The following FAM135B variants were observed in gnomAD, a reference collection of about 807,000 sequenced individuals.
FAM135B encodes the protein family with sequence similarity 135 member B, also known as protein FAM135B.
FAM135B carries 43 observed loss-of-function variants against 127.7 expected under a neutral mutation model. The observed-to-expected ratio is 0.34, with a 90% CI of 0.26 to 0.43. The LOEUF is 0.43. FAM135B is among the 20% of genes least tolerant of loss of function. FAM135B has a pLI of 1.00. For synonymous variants in FAM135B, 670 were observed against 665.1 expected (o/e 1.01, Z -0.11); for missense variants, 1,558 against 1,725.6 (o/e 0.90, Z 1.72).
intron 1 of FAM135B, among the ~76,000 whole-genome samples, chr8:138,448,998 T>C (rs867777084): frequency 6.6e-5 from 10 of 152,168 alleles, no homozygotes; most frequent in Admixed American, 3.3e-4. Context: ...TTCAATCTCT[T>C]CCATTGTATT....
At chr8:138,447,996 A>G (rs1237576052) in intron 1 of FAM135B, among the ~76,000 whole-genome samples, 1 of 151,926 alleles carries the variant, frequency 6.6e-6, no homozygotes, top group Non-Finnish European at 1.5e-5. Context: ...ATTGTTTACT[A>G]GATCCTATGA....
chr8:138,130,829 A>T lies in FAM135B; in HGVS notation c.*1764T>A, dbSNP rs10103808. 18,406 of 152,278 alleles carry T rather than the reference A, an allele frequency of 0.12. 1,250 individuals carry two copies. The highest frequency in any genetic ancestry group is 0.23 in the East Asian group (1,183 of 5,168). The allele number at this position is 152,278 out of a possible 1,614,324, so 9.4% of individuals were successfully genotyped here. On this transcript the variant is annotated 3_prime_UTR_variant, in exon 20 of 20. Coordinates refer to ENST00000395297, the MANE Select transcript of FAM135B (RefSeq NM_015912.4). ...GCCCAGCTCTGACTCGGGAGCTCAG[A>T]TAAAAATCCCCAGTGGAAAGTGACC...
At chr8:138,239,698 A>C (rs995037038) in intron 7 of FAM135B, among the ~76,000 whole-genome samples, 4 of 152,214 alleles carry the variant, frequency 2.6e-5, no homozygotes, top group Non-Finnish European at 5.9e-5. Flanking sequence ...ACACATGCAC[A>C]TGTATGTTCA....
chr8:138,163,650 C>G (rs1409294078), intron 12 of FAM135B, among the ~76,000 whole-genome samples: 1 of 152,130 alleles, frequency 6.6e-6, no homozygotes, highest in Non-Finnish European at 1.5e-5. Context: ...TTTCACCTTC[C>G]ACCGTGTGAT....
At chr8:138,218,100 C>G (rs1355161684) in intron 7 of FAM135B, among the ~76,000 whole-genome samples, 1 of 152,090 alleles carries the variant, frequency 6.6e-6, no homozygotes, top group African/African-American at 2.4e-5. Flanking sequence ...AACATGATAA[C>G]TAAGATGACT....
chr8:138,376,978 AT>A (rs1305489834), intron 1 of FAM135B, among the ~76,000 whole-genome samples: 1 of 152,218 alleles, frequency 6.6e-6, no homozygotes, highest in Non-Finnish European at 1.5e-5. Flanking sequence ...AGTTATTTAC[AT>A]TTTTTAAATG....
chr8:138,243,300 G>C lies in FAM135B; in HGVS notation c.543-232C>G, dbSNP rs148536531. Among the ~76,000 whole-genome samples, 1 of 152,308 alleles carries C rather than the reference G, an allele frequency of 6.6e-6. No homozygotes were observed. The highest frequency in any genetic ancestry group is 2.4e-5 in the African/African-American group (1 of 41,562). Reference sequence around the variant, plus strand: ...TGATGATACACATCCTACAATGTGTGCATGTAAATGCCCACCCTAAATGCC... The same window carrying C: ...TGATGATACACATCCTACAATGTGTCCATGTAAATGCCCACCCTAAATGCC... On this transcript the variant is annotated intron_variant, in intron 6 of 19. Transcript: ENST00000395297. The surrounding 1 kb of genome is among the most constrained non-coding windows in gnomAD (Gnocchi z 7.5).
At chr8:138,304,966 G>A (rs1188571332) in intron 3 of FAM135B, among the ~76,000 whole-genome samples, 3 of 152,186 alleles carry the variant, frequency 2.0e-5, no homozygotes, top group African/African-American at 4.8e-5. Context: ...CCACCCTGCC[G>A]GCCCTGGGTA....
At chr8:138,232,075 C>G (rs756994808) in intron 7 of FAM135B, among the ~76,000 whole-genome samples, 1 of 152,252 alleles carries the variant, frequency 6.6e-6, no homozygotes, top group Non-Finnish European at 1.5e-5. Context: ...CTCACTCAAG[C>G]TCTCACAGTT....
intron 7 of FAM135B, among the ~76,000 whole-genome samples, chr8:138,218,709 C>T (rs1818761722): frequency 6.6e-6 from 1 of 151,708 alleles, no homozygotes; most frequent in Non-Finnish European, 1.5e-5. Context: ...CTACAGGCCA[C>T]TCTAGAGACC....
chr8:138,454,696 A>G (rs1836680542), intron 1 of FAM135B, among the ~76,000 whole-genome samples: 1 of 152,160 alleles, frequency 6.6e-6, no homozygotes. Context: ...CATCTAGAGG[A>G]GTCTCACTTT....
intron 3 of FAM135B, among the ~76,000 whole-genome samples, chr8:138,271,025 C>T (rs1823333887): frequency 6.6e-6 from 1 of 152,194 alleles, no homozygotes; most frequent in Non-Finnish European, 1.5e-5. Context: ...CAGCAAGGGA[C>T]TGATGAGATT....
At chr8:138,480,600 T>A (rs559808497) in intron 1 of FAM135B, among the ~76,000 whole-genome samples, 1 of 151,990 alleles carries the variant, frequency 6.6e-6, no homozygotes, top group African/African-American at 2.4e-5. Flanking sequence ...TAGGAAAAAA[T>A]GAGAGAGGTT....
At chr8:138,416,070 CTCTT>C (rs1834130284) in intron 1 of FAM135B, among the ~76,000 whole-genome samples, 2 of 152,192 alleles carry the variant, frequency 1.3e-5, no homozygotes, top group African/African-American at 4.8e-5. Context: ...CTGCAAGACT[CTCTT>C]TCTTCATCCT....
intron 1 of FAM135B, among the ~76,000 whole-genome samples, chr8:138,403,645 G>C (rs1262460762): frequency 1.3e-5 from 2 of 152,120 alleles, no homozygotes; most frequent in Non-Finnish European, 2.9e-5. Flanking sequence ...ATGGAGAGTG[G>C]GGCTGGACCA....
intron 1 of FAM135B, among the ~76,000 whole-genome samples, chr8:138,412,684 C>G (rs1299912799): frequency 6.6e-6 from 1 of 152,178 alleles, no homozygotes; most frequent in Non-Finnish European, 1.5e-5. Flanking sequence ...AAATCTTTGA[C>G]CAGAGGGCAA....
Position 138,435,079 on chromosome 8 carries a change from G to A in FAM135B, c.-20+61592C>T, listed in dbSNP as rs561459655. ...TCCCAGCACTTTGGGAGGCCGAGGCGGGTGGATCACGAGGTCAGGAGTTTA... is the reference window on the plus strand; with the variant it reads ...TCCCAGCACTTTGGGAGGCCGAGGCAGGTGGATCACGAGGTCAGGAGTTTA... On this transcript the variant is annotated intron_variant, in intron 1 of 19. Coordinates refer to ENST00000395297, the MANE Select transcript of FAM135B (RefSeq NM_015912.4). 4.6e-5 allele frequency among the ~76,000 whole-genome samples: 7 copies of A among 152,146 alleles called. No individual in the cohort carries two copies. The East Asian group carries it at 7.8e-4, about 17-fold the overall frequency.
chr8:138,443,409 G>T (rs555425474), intron 1 of FAM135B, among the ~76,000 whole-genome samples: 1 of 152,132 alleles, frequency 6.6e-6, no homozygotes, highest in South Asian at 2.1e-4. Flanking sequence ...ATTATATGGG[G>T]TCCACTTAAA....
At chr8:138,146,267 T>C (rs904271096) in intron 14 of FAM135B, among the ~76,000 whole-genome samples, 2 of 152,090 alleles carry the variant, frequency 1.3e-5, no homozygotes, top group Non-Finnish European at 2.9e-5. Context: ...TTTCTAGCGG[T>C]CCCACCTCGA....
Sources: gnomAD v4.1 joint callset for allele counts (sites outside exome capture counted in the v4.1 genomes callset) on GRCh38, gnomAD v4.1.1 for gene constraint, Gnocchi (gnomAD v3.1) non-coding constraint, MANE v1.5 for transcripts, NCBI Gene and HGNC (gene_info 2026-07-23, HGNC 2026-07-21) for gene names.